The following DPP9 variants were observed in gnomAD, a reference collection of about 807,000 sequenced individuals.
The protein encoded by DPP9 is dipeptidyl peptidase 9.
In DPP9, 50 loss-of-function variants were observed where a neutral mutation model predicts 110.7. That is an observed-to-expected ratio of 0.45 (90% CI 0.36 to 0.57). The LOEUF is 0.57. Ranked by LOEUF, DPP9 falls within the 20% of genes least tolerant of loss-of-function variation. The probability of loss-of-function intolerance (pLI) is 0.00; values close to 1 mark genes in which losing one functional copy is unlikely to be tolerated. For synonymous variants in DPP9, 561 were observed against 514.4 expected (o/e 1.09, Z -1.23); for missense variants, 1,022 against 1,217.9 (o/e 0.84, Z 2.39).
intron 4 of DPP9, among the ~76,000 whole-genome samples, chr19:4,707,202 C>T (rs555283836): frequency 6.6e-5 from 10 of 152,318 alleles, no homozygotes; most frequent in Non-Finnish European, 1.3e-4. Flanking sequence ...CATCAGTAAG[C>T]CGCGGCTTTC....
At position 4,703,107 on chromosome 19, in the gene DPP9, C is replaced by T. The variant is rs150988643; in HGVS notation, c.770-391G>A. Among the ~76,000 whole-genome samples the T allele has an allele frequency of 2.8e-4, 43 of 151,180 alleles. No individual in the cohort carries two copies. In the East Asian group the frequency reaches 3.4e-3, roughly 12 times the overall value. On this transcript the variant is annotated intron_variant, in intron 7 of 21. Coordinates refer to ENST00000262960, the MANE Select transcript of DPP9 (RefSeq NM_139159.5). ...GAAAGTGGGGCCCGGGCTTATGGGA[C>T]GGAGAGGCAGCGATCAGTGACTTGA...
rs1044286224 is a variant in DPP9 at position 4,675,295 on chromosome 19, G to A, written c.*1269C>T. ...GCATAATTATAAAAGAATAAGAATC[G>A]ACAAAAATATTTTCTTTCCATAATA... On this transcript the variant is annotated 3_prime_UTR_variant, in exon 22 of 22. Coordinates refer to ENST00000262960, the MANE Select transcript of DPP9 (RefSeq NM_139159.5). 4.6e-5 allele frequency: 7 copies of A among 151,122 alleles called. No individual in the cohort carries two copies. Among genetic ancestry groups the A allele is most frequent in the Non-Finnish European group, 8.8e-5 (6 of 67,820 alleles). The allele number at this position is 151,122 out of a possible 1,614,324, so 9.4% of individuals were successfully genotyped here.
At chr19:4,686,599 C>T (rs113102124) in intron 16 of DPP9, among the ~76,000 whole-genome samples, 40 of 152,146 alleles carry the variant, frequency 2.6e-4, no homozygotes, top group African/African-American at 9.2e-4. Context: ...GGATTACAGA[C>T]GTGAGCCACC....
chr19:4,704,038 G>C lies in DPP9; in HGVS notation c.617C>G (p.Pro206Arg). Reference protein sequence around the residue: ...KNGFMVSPMKPLEIKTQCSGP... With the variant: ...KNGFMVSPMKRLEIKTQCSGP... ...TGAGCACTGGGTCTTGATTTCCAGC[G>C]GTTTCATAGGGGACACCTGAGGACA... The change falls in exon 7 of 22, where the codon CCG becomes CGG. Residue 206 changes from proline (P) to arginine (R), a missense_variant. Physicochemically the swap from Pro to Arg is moderately radical, Grantham distance 103. Coordinates refer to ENST00000262960, the MANE Select transcript of DPP9 (RefSeq NM_139159.5). The surrounding 1 kb of genome is among the most constrained non-coding windows in gnomAD (Gnocchi z 6.0). 1.2e-6 allele frequency: 2 copies of C among 1,614,002 alleles called. No individual in the cohort carries two copies. The highest frequency in any genetic ancestry group is 2.2e-5 in the East Asian group (1 of 44,872).
Position 4,685,795 on chromosome 19 carries a change from T to C in DPP9, c.1886-24A>G. 6.2e-7 allele frequency: 1 copy of C among 1,608,358 alleles called. No homozygotes were observed. ...GCCTGCGGGAGACAGGGCGGCTATC[T>C]GGCTGCCCGGGGAAGCCACATCCAG... is the stretch of plus-strand genomic sequence containing the variant. On this transcript the variant is annotated intron_variant, in intron 16 of 21. Transcript: ENST00000262960. The surrounding 1 kb of genome is among the most constrained non-coding windows in gnomAD (Gnocchi z 5.8).
chr19:4,676,313 G>A lies in DPP9; in HGVS notation c.*251C>T. ...CTCCTCCTCCCAGAAGGCGGGGAGA[G>A]GAGGGGCTGGCCCGAGACCACCATC... On this transcript the variant is annotated 3_prime_UTR_variant, in exon 22 of 22. Coordinates refer to ENST00000262960, the MANE Select transcript of DPP9 (RefSeq NM_139159.5). The surrounding 1 kb of genome is among the most constrained non-coding windows in gnomAD (Gnocchi z 4.0). The A allele has an allele frequency of 3.8e-6, 2 of 532,862 alleles. No individual in the cohort carries two copies. The highest frequency in any genetic ancestry group is 4.1e-5 in the South Asian group (2 of 49,206). 33.0% of individuals were successfully genotyped at this position (532,862 alleles called of 1,614,324 possible).
At chr19:4,702,406 G>A (rs1407006510) in intron 8 of DPP9, among the ~76,000 whole-genome samples, 197 bp downstream of exon 8, 1 of 152,142 alleles carries the variant, frequency 6.6e-6, no homozygotes, top group Non-Finnish European at 1.5e-5. Flanking sequence ...GGCCACGTGG[G>A]GTGTAACGGG....
In DPP9 at chr19:4,684,468, C is replaced by T. The variant is rs1296933665; in HGVS notation, c.2178+195G>A. The T allele has an allele frequency of 1.6e-6, 1 of 636,246 alleles. No homozygotes were observed. Among genetic ancestry groups the T allele is most frequent in the Non-Finnish European group, 2.7e-6 (1 of 373,422 alleles). The allele number at this position is 636,246 out of a possible 1,614,324, so 39.4% of individuals were successfully genotyped here. On this transcript the variant is annotated intron_variant, in intron 18 of 21. Coordinates refer to ENST00000262960, the MANE Select transcript of DPP9 (RefSeq NM_139159.5). The surrounding 1 kb of genome is among the most constrained non-coding windows in gnomAD (Gnocchi z 4.8). ...AACTTGTCTCTGTCCCTGCAGGGCG[C>T]AGCCCAGAGCTGAGCAGCAAAGCAT...
intron 10 of DPP9, 97 bp from the exon 11 acceptor site, chr19:4,697,748 A>C: frequency 1.1e-6 from 1 of 936,198 alleles, no homozygotes; most frequent in Non-Finnish European, 1.6e-6. Flanking sequence ...GTCCCCCCCA[A>C]ATTCATATGC....
chr19:4,681,758 G>A (rs1162822788), intron 20 of DPP9, among the ~76,000 whole-genome samples: 1 of 151,362 alleles, frequency 6.6e-6, no homozygotes, highest in Non-Finnish European at 1.5e-5. Flanking sequence ...GTAGAGACGG[G>A]GTTTCACCAT....
chr19:4,688,797 G>C lies in DPP9; in HGVS notation c.1845C>G (p.His615Gln), dbSNP rs556545434. 6.8e-7 allele frequency: 1 copy of C among 1,479,054 alleles called. No individual in the cohort carries two copies. The highest frequency in any genetic ancestry group is 8.9e-7 in the Non-Finnish European group (1 of 1,121,450). 91.6% of individuals were successfully genotyped at this position (1,479,054 alleles called of 1,614,324 possible). A position where few individuals can be genotyped will look rare whatever the true frequency, so the allele number is the denominator to read the frequency against. Residue 615 changes from histidine to glutamine, a missense_variant, in exon 16 of 22, where the codon CAC becomes CAG. Transcript: ENST00000262960. ...TGCTAGCCCAGAAGCGGGGCTGCTT[G>C]TGCAGGGGGTCGTCGTCGGGGCCGC... Reference protein sequence around the residue: ...KLSGPDDDPLHKQPRFWASMM... With the variant: ...KLSGPDDDPLQKQPRFWASMM...
chr19:4,686,586 C>T (rs979118635), intron 16 of DPP9, among the ~76,000 whole-genome samples: 43 of 152,292 alleles, frequency 2.8e-4, no homozygotes, highest in African/African-American at 8.7e-4. Flanking sequence ...TCCCAAAGTG[C>T]TGGGATTACA....
At position 4,695,214 on chromosome 19, in the gene DPP9, G is replaced by T; in HGVS notation, c.1353+164C>A. On this transcript the variant is annotated intron_variant, in intron 12 of 21. Transcript: ENST00000262960. This position sits in a 1 kb window ranked among gnomAD's most constrained non-coding sequence, Gnocchi z 4.7. The stretch of plus-strand genomic sequence containing the variant: ...GCTGCCAGACTCACCAACCCCCCTA[G>T]ACCCTCTTCCCTGCCAGCCAGGGAT... 1.4e-6 allele frequency: 1 copy of T among 718,190 alleles called. No individual in the cohort carries two copies. Among genetic ancestry groups the T allele is most frequent in the Non-Finnish European group, 2.2e-6 (1 of 449,868 alleles). 44.5% of individuals were successfully genotyped at this position (718,190 alleles called of 1,614,324 possible). A position where few individuals can be genotyped will look rare whatever the true frequency, so the allele number is the denominator to read the frequency against.
In DPP9 at chr19:4,693,820, TCTCCTCCCTCTCTCCCC is replaced by T. The variant is rs2091542873; in HGVS notation, c.1516+824_1516+840del. On this transcript the variant is annotated intron_variant, in intron 13 of 21. Coordinates refer to ENST00000262960, the MANE Select transcript of DPP9 (RefSeq NM_139159.5). This position sits in a 1 kb window ranked among gnomAD's most constrained non-coding sequence, Gnocchi z 5.0. ...CCATCTGCTTTTTCTCTCCCCACCCTCTCCTCCCTCTCTCCCCCTCCTCCCTGTGCTCCAGCCACAGG... is the reference window on the plus strand; with the variant it reads ...CCATCTGCTTTTTCTCTCCCCACCCTCTCCTCCCTGTGCTCCAGCCACAGG... Among the ~76,000 whole-genome samples, 1 of 149,740 alleles carries T rather than the reference TCTCCTCCCTCTCTCCCC, an allele frequency of 6.7e-6. No individual in the cohort carries two copies. The highest frequency in any genetic ancestry group is 2.5e-5 in the African/African-American group (1 of 40,548).
At chr19:4,692,432 G>C (rs2091410232) in intron 13 of DPP9, among the ~76,000 whole-genome samples, 1 of 152,146 alleles carries the variant, frequency 6.6e-6, no homozygotes, top group Non-Finnish European at 1.5e-5. Context: ...TCGGGGCCTG[G>C]GGAGGAGAGC....
chr19:4,708,588 C>T (rs980414208), intron 4 of DPP9, among the ~76,000 whole-genome samples: 1 of 152,170 alleles, frequency 6.6e-6, no homozygotes, highest in African/African-American at 2.4e-5. Context: ...ATATACACCA[C>T]GGAGTACTCT....
chr19:4,682,940 C>T lies in DPP9; in HGVS notation c.2332-102G>A, dbSNP rs765236438. ...GCTGTCCCGGGGCCGCCCTGGAGCCCGTGAGGAGCGCTCATGCACATGGGG... is the reference window on the plus strand; with the variant it reads ...GCTGTCCCGGGGCCGCCCTGGAGCCTGTGAGGAGCGCTCATGCACATGGGG... On this transcript the variant is annotated intron_variant, in intron 19 of 21. Coordinates refer to ENST00000262960, the MANE Select transcript of DPP9 (RefSeq NM_139159.5). The surrounding 1 kb of genome is among the most constrained non-coding windows in gnomAD (Gnocchi z 7.1). 1.8e-4 allele frequency: 274 copies of T among 1,534,932 alleles called. No homozygotes were observed. The highest frequency in any genetic ancestry group is 8.4e-4 in the Middle Eastern group (5 of 5,924).
intron 3 of DPP9, 38 bp downstream of exon 3, chr19:4,719,813 A>G (rs1177573563): frequency 6.5e-7 from 1 of 1,550,294 alleles, no homozygotes; most frequent in East Asian, 2.4e-5. Flanking sequence ...AAGCTGGGCC[A>G]CATCCTCACG....
chr19:4,720,361 C>T (rs936222811), intron 2 of DPP9, among the ~76,000 whole-genome samples: 18 of 152,210 alleles, frequency 1.2e-4, no homozygotes, highest in Admixed American at 5.9e-4. Context: ...TCCCTCAACA[C>T]ACCTGCTCGC....
Sources: gnomAD v4.1 joint callset for allele counts (sites outside exome capture counted in the v4.1 genomes callset) on GRCh38, gnomAD v4.1.1 for gene constraint, Gnocchi (gnomAD v3.1) non-coding constraint, MANE v1.5 for transcripts, NCBI Gene and HGNC (gene_info 2026-07-23, HGNC 2026-07-21) for gene names.